Variants in AMPD2 observed in about 807,000 individuals in gnomAD.
AMPD2 encodes adenosine monophosphate deaminase 2, also known as AMP deaminase 2.
In AMPD2, 52 loss-of-function variants were observed where a neutral mutation model predicts 91.3. The observed-to-expected ratio is 0.57, with a 90% CI of 0.46 to 0.72. AMPD2 has a LOEUF of 0.72. Among genes scored for constraint, AMPD2 ranks in the 30% least tolerant of loss-of-function variants. The pLI is 0.00. For synonymous variants in AMPD2, 455 were observed against 456.4 expected (o/e 1.00, Z 0.04); for missense variants, 822 against 1,122.3 (o/e 0.73, Z 3.82).
At position 109,624,764 on chromosome 1, in the gene AMPD2, A is replaced by C. The variant is rs1163972205; in HGVS notation, c.92-539A>C. Reference sequence around the variant, plus strand: ...GCAGCTGCGGCTTCTCTTGTGCTGCACAGGTCTAGGATGTCAGGCACAGGG... The same window carrying C: ...GCAGCTGCGGCTTCTCTTGTGCTGCCCAGGTCTAGGATGTCAGGCACAGGG... On this transcript the variant is annotated intron_variant, in intron 2 of 18. Transcript: ENST00000528667. This position sits in a 1 kb window ranked among gnomAD's most constrained non-coding sequence, Gnocchi z 5.2. Among the ~76,000 whole-genome samples, 1 of 152,076 alleles carries C rather than the reference A, an allele frequency of 6.6e-6. No homozygotes were observed. The highest frequency in any genetic ancestry group is 1.5e-5 in the Non-Finnish European group (1 of 67,992).
intron 16 of AMPD2, 22 bp downstream of exon 16, chr1:109,629,938 C>T (rs1029129485): frequency 6.3e-7 from 1 of 1,579,162 alleles, no homozygotes; most frequent in Admixed American, 1.8e-5. Flanking sequence ...CACCCCTAGC[C>T]TTCCCTCCCA....
In AMPD2 at chr1:109,630,751, G is replaced by A. The variant is rs200151335; in HGVS notation, c.2226G>A (p.Glu742=). Residue 742 remains glutamate, a synonymous_variant, in exon 18 of 19, where the codon GAG becomes GAA. Coordinates refer to ENST00000528667, the MANE Select transcript of AMPD2 (RefSeq NM_001368809.2). The stretch of plus-strand genomic sequence containing the variant: ...AGCTCAGCTCCTGCGATATGTGTGA[G>A]CTGGCCCGCAACAGCGTGCTCATGA... ...VWKLSSCDMC[E]LARNSVLMSG... 3.1e-6 allele frequency: 5 copies of A among 1,612,010 alleles called. No homozygotes were observed. Among genetic ancestry groups the A allele is most frequent in the Non-Finnish European group, 2.5e-6 (3 of 1,179,376 alleles).
In AMPD2 at chr1:109,631,497, G is replaced by C. The variant is rs1214987890; in HGVS notation, c.*345G>C. ...GGGGGCTGGCCCCTCTAGCCTTTCCGGTCCTTCCTGGGCAAATCTAAGCCT... is the reference window on the plus strand; with the variant it reads ...GGGGGCTGGCCCCTCTAGCCTTTCCCGTCCTTCCTGGGCAAATCTAAGCCT... On this transcript the variant is annotated 3_prime_UTR_variant, in exon 19 of 19. Transcript: ENST00000528667. The C allele has an allele frequency of 7.7e-6, 3 of 390,028 alleles. No homozygotes were observed. The allele number at this position is 390,028 out of a possible 1,614,324, so 24.2% of individuals were successfully genotyped here.
chr1:109,622,025 G>A (rs577214009), intron 2 of AMPD2, among the ~76,000 whole-genome samples: 160 of 152,366 alleles, frequency 1.1e-3, no homozygotes, highest in African/African-American at 3.6e-3. Context: ...CTCTGTGCTT[G>A]CAGAGGGATA....
At chr1:109,630,109 A>C in intron 16 of AMPD2, 124 bp from the exon 17 acceptor site, 9 of 1,341,828 alleles carry the variant, frequency 6.7e-6, no homozygotes, top group Non-Finnish European at 9.4e-6. Flanking sequence ...CACCCTTTGC[A>C]CATCAGGCCA....
At chr1:109,621,382 G>T in intron 2 of AMPD2, 116 bp downstream of exon 2, 3 of 1,214,746 alleles carry the variant, frequency 2.5e-6, no homozygotes, top group Non-Finnish European at 3.5e-6. Flanking sequence ...CTCTGTGGTG[G>T]TGCCCCTCAA....
rs1405131475 is a variant in AMPD2 at position 109,624,869 on chromosome 1, G to A, written c.92-434G>A. Among the ~76,000 whole-genome samples, 1 of 152,166 alleles carries A rather than the reference G, an allele frequency of 6.6e-6. No homozygotes were observed. The highest frequency in any genetic ancestry group is 2.4e-5 in the African/African-American group (1 of 41,420). On this transcript the variant is annotated intron_variant, in intron 2 of 18. Coordinates refer to ENST00000528667, the MANE Select transcript of AMPD2 (RefSeq NM_001368809.2). The surrounding 1 kb of genome is among the most constrained non-coding windows in gnomAD (Gnocchi z 5.2). ...TTGCCTGCCCTGGGAGCTGCAGGCT[G>A]GGGGTCCCTGGTGTGGCCGCCTGGT...
rs114804066 is a variant in AMPD2, at chr1:109,620,373, A to G, written c.-263+95A>G. ...AGGGTGGGAGTCACAGCACAGCAGC[A>G]GGACCTAGGGAAGGCGGTCAGCTCC... On this transcript the variant is annotated intron_variant, in intron 1 of 18. Transcript: ENST00000528667. 8.9e-3 allele frequency: 13,944 copies of G among 1,564,120 alleles called. 97 individuals carry two copies. Among genetic ancestry groups the G allele is most frequent in the Non-Finnish European group, 0.011 (12,254 of 1,143,978 alleles).
At chr1:109,629,688 G>T in intron 15 of AMPD2, 108 bp from the exon 16 acceptor site, 1 of 1,493,692 alleles carries the variant, frequency 6.7e-7, no homozygotes. Flanking sequence ...TCCCAGGCCT[G>T]CATAGTTATT....
At position 109,631,600 on chromosome 1, in the gene AMPD2, T is replaced by C; in HGVS notation, c.*448T>C. 4.2e-6 allele frequency: 1 copy of C among 239,042 alleles called. No homozygotes were observed. Among genetic ancestry groups the C allele is most frequent in the Non-Finnish European group, 8.4e-6 (1 of 119,324 alleles). 14.8% of individuals were successfully genotyped at this position (239,042 alleles called of 1,614,324 possible). ...GCGGGGGACCTCTACACCTCTGCTG[T>C]GGGCACGGGGCTGCTGAGGGTCTGT... On this transcript the variant is annotated 3_prime_UTR_variant, in exon 19 of 19. Transcript: ENST00000528667.
Position 109,627,910 on chromosome 1 carries a change from C to T in AMPD2, c.1080+7C>T, listed in dbSNP as rs770305514. On this transcript the variant is annotated splice_region_variant and intron_variant, in intron 10 of 18. Transcript: ENST00000528667. ...TTTCTACAACATCCGCAAGGTGGGC[C>T]CTCACCCCGTGGCCGTCTCCATGTC... The T allele has an allele frequency of 6.2e-7, 1 of 1,613,948 alleles. No homozygotes were observed. The highest frequency in any genetic ancestry group is 1.1e-5 in the South Asian group (1 of 91,056).
chr1:109,621,160 C>T lies in AMPD2; in HGVS notation c.-16C>T. The T allele has an allele frequency of 1.3e-6, 2 of 1,598,248 alleles. No homozygotes were observed. Among genetic ancestry groups the T allele is most frequent in the Non-Finnish European group, 1.7e-6 (2 of 1,171,792 alleles). Reference sequence around the variant, plus strand: ...GCCGCTCAGACTCCCCCGCTGTCGCCGCCGTGGTCCCAGCCATGGCATCCT... The same window carrying T: ...GCCGCTCAGACTCCCCCGCTGTCGCTGCCGTGGTCCCAGCCATGGCATCCT... On this transcript the variant is annotated 5_prime_UTR_variant, in exon 2 of 19. Coordinates refer to ENST00000528667, the MANE Select transcript of AMPD2 (RefSeq NM_001368809.2).
Position 109,628,554 on chromosome 1 carries a change from G to A in AMPD2, c.1407+59G>A. On this transcript the variant is annotated intron_variant, in intron 12 of 18. Coordinates refer to ENST00000528667, the MANE Select transcript of AMPD2 (RefSeq NM_001368809.2). This position sits in a 1 kb window ranked among gnomAD's most constrained non-coding sequence, Gnocchi z 7.1. ...CCTGAGGATCTGGGGGCTTTTAGGGGGTGAGACTCAAGGAGGGTAGGCAGA... is the reference window on the plus strand; with the variant it reads ...CCTGAGGATCTGGGGGCTTTTAGGGAGTGAGACTCAAGGAGGGTAGGCAGA... 3.7e-6 allele frequency: 6 copies of A among 1,612,464 alleles called. No homozygotes were observed. The highest frequency in any genetic ancestry group is 5.1e-6 in the Non-Finnish European group (6 of 1,179,432).
At chr1:109,629,031 C>T in intron 13 of AMPD2, 78 bp from the exon 14 acceptor site, 2 of 1,579,140 alleles carry the variant, frequency 1.3e-6, no homozygotes, top group Non-Finnish European at 1.7e-6. Context: ...TTGGGCCAAG[C>T]TCTGACCCTT....
chr1:109,630,111 A>C, intron 16 of AMPD2, 122 bp from the exon 17 acceptor site: 1 of 1,354,104 alleles, frequency 7.4e-7, no homozygotes, highest in South Asian at 1.2e-5. Flanking sequence ...CCCTTTGCAC[A>C]TCAGGCCAAG....
Position 109,631,187 on chromosome 1 carries a change from C to A in AMPD2, c.*35C>A, listed in dbSNP as rs770369817. 8.4e-6 allele frequency: 13 copies of A among 1,546,558 alleles called. No individual in the cohort carries two copies. In the African/African-American group the frequency reaches 1.8e-4, roughly 21 times the overall value. On this transcript the variant is annotated 3_prime_UTR_variant, in exon 19 of 19. Transcript: ENST00000528667. ...ATGAAGTGCCCACCACATCGCAGCA[C>A]TTTTACCACGTTTTGTCCTCAGACC...
rs1414539521 is a variant in AMPD2 at position 109,628,768 on chromosome 1, C to T, written c.1533C>T (p.Ser511=). The change falls in exon 13 of 19, where the codon TCC becomes TCT. Residue 511 remains serine (S), a synonymous_variant. Transcript: ENST00000528667. This position sits in a 1 kb window ranked among gnomAD's most constrained non-coding sequence, Gnocchi z 7.1. ...ARWAVMHRVH[S]PNVRWLVQVP... ...GGGCCGTCATGCACCGCGTGCACTC[C>T]CCCAACGTGCGCTGGCTGGTGCAGG... The T allele has an allele frequency of 6.3e-7, 1 of 1,581,206 alleles. No homozygotes were observed. The highest frequency in any genetic ancestry group is 1.3e-5 in the African/African-American group (1 of 74,134).
chr1:109,621,943 G>T (rs1281257751), intron 2 of AMPD2, among the ~76,000 whole-genome samples: 1 of 152,212 alleles, frequency 6.6e-6, no homozygotes, highest in Non-Finnish European at 1.5e-5. Context: ...ACTCTAGTAA[G>T]CATCTCTGCA....
chr1:109,626,101 C>T, intron 4 of AMPD2, 59 bp from the exon 5 acceptor site: 1 of 1,586,572 alleles, frequency 6.3e-7, no homozygotes, highest in Non-Finnish European at 8.6e-7. Flanking sequence ...GGTGCTGGGA[C>T]CTGGGAGCAA....
Sources: allele counts gnomAD v4.1 joint callset (sites outside exome capture counted in the v4.1 genomes callset), GRCh38; gene constraint gnomAD v4.1.1; non-coding constraint Gnocchi (gnomAD v3.1); transcripts MANE v1.5; gene names NCBI Gene and HGNC (gene_info 2026-07-23, HGNC 2026-07-21).